BMAL1: variants seen among roughly 807,000 people sequenced by gnomAD.
The protein encoded by BMAL1 is basic helix-loop-helix ARNT-like protein 1.
the BMAL1 span, among the ~76,000 whole-genome samples, chr11:13,312,724 C>G: frequency 6.6e-6 from 1 of 152,188 alleles, no homozygotes; most frequent in Non-Finnish European, 1.5e-5. Context: ...TTGTTTTTCA[C>G]TGTATCCCCA....
the BMAL1 span, among the ~76,000 whole-genome samples, chr11:13,333,404 C>G: frequency 2.0e-5 from 3 of 152,216 alleles, no homozygotes; most frequent in African/African-American, 7.2e-5. Context: ...TGAGCCATTA[C>G]TGGTCATTCC....
chr11:13,337,472 T>C, the BMAL1 span, among the ~76,000 whole-genome samples: 3 of 152,140 alleles, frequency 2.0e-5, no homozygotes, highest in Non-Finnish European at 2.9e-5. Flanking sequence ...ATTAAAAGAG[T>C]ACTATGTAAG....
chr11:13,377,432 C>T, the BMAL1 span, among the ~76,000 whole-genome samples: 2 of 152,140 alleles, frequency 1.3e-5, no homozygotes, highest in Non-Finnish European at 2.9e-5. Context: ...AACACGGAGT[C>T]CTGAACCTTC....
chr11:13,356,186 C>A, the BMAL1 span: 1 of 444,520 alleles, frequency 2.2e-6, no homozygotes, highest in Non-Finnish European at 4.5e-6. Context: ...TTCCCACCTA[C>A]CTGAGAAGCA....
the BMAL1 span, among the ~76,000 whole-genome samples, chr11:13,321,582 A>C: frequency 7.0e-4 from 106 of 152,252 alleles, no homozygotes; most frequent in Middle Eastern, 3.4e-3. Flanking sequence ...ATATGAGAAC[A>C]CTGCCTGCCA....
At chr11:13,312,700 G>A in the BMAL1 span, among the ~76,000 whole-genome samples, 4 of 152,146 alleles carry the variant, frequency 2.6e-5, no homozygotes, top group African/African-American at 9.7e-5. Context: ...CCAAAGGCAG[G>A]CTCCTATTTT....
At chr11:13,386,221 C>A in the BMAL1 span, among the ~76,000 whole-genome samples, 1 of 152,086 alleles carries the variant, frequency 6.6e-6, no homozygotes, top group African/African-American at 2.4e-5. Flanking sequence ...CTAAACTCTC[C>A]CTTCCTATTT....
At chr11:13,277,605 T>A in the BMAL1 span, 1 of 151,080 alleles carries the variant, frequency 6.6e-6, no homozygotes, top group African/African-American at 2.4e-5. Context: ...CGCGCGCGGA[T>A]TGGCTGGGGG....
chr11:13,297,943 C>T, the BMAL1 span, among the ~76,000 whole-genome samples: 141,341 of 152,282 alleles, frequency 0.93, 66,105 homozygotes, highest in East Asian at 1. Flanking sequence ...CTTTACACAG[C>T]GATCCTGTGA....
At chr11:13,307,794 G>A in the BMAL1 span, among the ~76,000 whole-genome samples, 2 of 152,204 alleles carry the variant, frequency 1.3e-5, no homozygotes, top group Admixed American at 6.5e-5. Context: ...GAAATAGGTT[G>A]GGGAGAGGGA....
the BMAL1 span, chr11:13,358,658 G>A: frequency 2.8e-6 from 4 of 1,417,768 alleles, no homozygotes; most frequent in Non-Finnish European, 3.7e-6. Context: ...TGCCTAGAAT[G>A]TTCCTATCCC....
the BMAL1 span, chr11:13,354,196 C>A: frequency 1.1e-4 from 78 of 712,778 alleles, 1 homozygote; most frequent in Middle Eastern, 4.3e-4. Context: ...GGTCTCCCCC[C>A]CCGGCCCCCC....
the BMAL1 span, among the ~76,000 whole-genome samples, chr11:13,294,868 T>C: frequency 6.6e-6 from 1 of 152,238 alleles, no homozygotes; most frequent in Non-Finnish European, 1.5e-5. Flanking sequence ...TCTGTTCATG[T>C]TCACAATATT....
chr11:13,364,880 G>A, the BMAL1 span, among the ~76,000 whole-genome samples: 2 of 152,168 alleles, frequency 1.3e-5, no homozygotes, highest in Non-Finnish European at 2.9e-5. Context: ...TTTGAGAGTA[G>A]TAGTTCTCAG....
At chr11:13,306,471 A>G in the BMAL1 span, among the ~76,000 whole-genome samples, 2 of 152,154 alleles carry the variant, frequency 1.3e-5, no homozygotes, top group East Asian at 3.9e-4. Flanking sequence ...AGACAGAGGG[A>G]GGGGTCTAAG....
chr11:13,375,573 G>A, the BMAL1 span: 3 of 1,513,424 alleles, frequency 2.0e-6, no homozygotes, highest in Non-Finnish European at 2.7e-6. Context: ...ACTTTGGTCT[G>A]AGAAAACAAC....
the BMAL1 span, among the ~76,000 whole-genome samples, chr11:13,292,730 A>G: frequency 6.6e-6 from 1 of 152,052 alleles, no homozygotes; most frequent in Non-Finnish European, 1.5e-5. Context: ...TTTCTCTCTC[A>G]TGTACTAGTC....
chr11:13,324,448 C>G, the BMAL1 span, among the ~76,000 whole-genome samples: 2 of 152,148 alleles, frequency 1.3e-5, no homozygotes, highest in African/African-American at 4.8e-5. Context: ...GCTGCTCTTC[C>G]CCAGACACCG....
At chr11:13,294,000 A>G in the BMAL1 span, among the ~76,000 whole-genome samples, 1 of 152,220 alleles carries the variant, frequency 6.6e-6, no homozygotes, top group South Asian at 2.1e-4. Context: ...AGAAAATGTA[A>G]CATAAATAAG....
Sources: allele counts gnomAD v4.1 joint callset (sites outside exome capture counted in the v4.1 genomes callset), GRCh38; gene constraint gnomAD v4.1.1; transcripts MANE v1.5; gene names NCBI Gene and HGNC (gene_info 2026-07-23, HGNC 2026-07-21).